The following SGCD variants were observed in gnomAD, a reference collection of about 807,000 sequenced individuals.
SGCD encodes sarcoglycan delta, also known as delta-sarcoglycan.
Under a neutral mutation model 36.6 loss-of-function variants are expected in SGCD, and 18 were observed. The observed-to-expected ratio is 0.49, with a 90% CI of 0.34 to 0.73. The LOEUF (loss-of-function observed/expected upper bound fraction) is 0.73, where lower values mean the gene tolerates loss of function less well. Among genes scored for constraint, SGCD ranks in the 30% least tolerant of loss-of-function variants. The probability of loss-of-function intolerance (pLI) is 0.01; values close to 1 mark genes in which losing one functional copy is unlikely to be tolerated. For missense variants in SGCD, 387 were observed against 346.7 expected (o/e 1.12, Z -0.92); for synonymous variants, 133 against 130.6 (o/e 1.02, Z -0.12).
At chr5:155,737,315 C>A in the SGCD span, among the ~76,000 whole-genome samples, 1 of 152,198 alleles carries the variant, frequency 6.6e-6, no homozygotes, top group African/African-American at 2.4e-5. Context: ...AACACTTACC[C>A]TTACTATGGG....
chr5:156,036,526 G>A (rs997194702), intron 1 of SGCD, among the ~76,000 whole-genome samples: 2 of 152,144 alleles, frequency 1.3e-5, no homozygotes, highest in Admixed American at 6.5e-5. Context: ...GATGAGGGCC[G>A]AGGTTTCTGA....
chr5:156,119,492 A>G (rs567687978), intron 2 of SGCD, among the ~76,000 whole-genome samples: 58 of 152,258 alleles, frequency 3.8e-4, no homozygotes, highest in African/African-American at 1.3e-3. Flanking sequence ...GTGTATACCT[A>G]TATGGTATCT....
intron 7 of SGCD, chr5:156,739,636 T>C (rs1756562741): frequency 6.6e-6 from 1 of 152,208 alleles, no homozygotes; most frequent in African/African-American, 2.4e-5. Context: ...CTTGTCTTTA[T>C]AAACTGTGTG....
At position 156,444,132 on chromosome 5, in the gene SGCD, CTCTCTCCTTCCCTT is replaced by C. The variant is rs1444940444; in HGVS notation, c.193-64462_193-64449del. ...TCTCTCTCTCCCCTTCCCTCTCTCT[CTCTCTCCTTCCCTT>C]TCTCTCTCTCCTTCCCTCTCTCTCT... On this transcript the variant is annotated intron_variant, in intron 3 of 8. Coordinates refer to ENST00000337851, the MANE Select transcript of SGCD (RefSeq NM_000337.6). Among the ~76,000 whole-genome samples the C allele has an allele frequency of 4.3e-4, 54 of 126,746 alleles. 1 individual carries two copies. The highest frequency in any genetic ancestry group is 2.4e-3 in the East Asian group (10 of 4,104). The allele number at this position is 126,746 out of a possible 152,430, so 83.2% of individuals were successfully genotyped here.
At chr5:155,745,544 C>G in the SGCD span, among the ~76,000 whole-genome samples, 1 of 151,658 alleles carries the variant, frequency 6.6e-6, no homozygotes, top group Non-Finnish European at 1.5e-5. Context: ...CTTTACCAAT[C>G]TTTTATTTAA....
intron 1 of SGCD, among the ~76,000 whole-genome samples, chr5:156,025,550 CT>C (rs1436952193): frequency 8.5e-5 from 13 of 152,192 alleles, no homozygotes; most frequent in Admixed American, 5.9e-4. Context: ...GATTCATTTG[CT>C]CATAGCACTT....
intron 3 of SGCD, among the ~76,000 whole-genome samples, chr5:156,146,506 A>G (rs904169087): frequency 1.3e-5 from 2 of 152,200 alleles, no homozygotes; most frequent in African/African-American, 4.8e-5. Flanking sequence ...CAAAATGAGA[A>G]GATTTTTCCT....
the SGCD span, among the ~76,000 whole-genome samples, chr5:155,732,359 G>A: frequency 6.6e-6 from 1 of 152,212 alleles, no homozygotes; most frequent in Non-Finnish European, 1.5e-5. Flanking sequence ...TCCAGGCGTG[G>A]TTGACTTCAA....
At chr5:156,704,021 G>T (rs957589271) in intron 7 of SGCD, 1 of 152,144 alleles carries the variant, frequency 6.6e-6, no homozygotes, top group Non-Finnish European at 1.5e-5. Context: ...CTGAAATCAA[G>T]TGGACTCTTA....
Position 156,725,394 on chromosome 5 carries a change from T to G in SGCD, c.576-32187T>G, listed in dbSNP as rs142088078. On this transcript the variant is annotated intron_variant, in intron 7 of 8. Coordinates refer to ENST00000337851, the MANE Select transcript of SGCD (RefSeq NM_000337.6). ...TATTAAAACCACTTGAGCATCTGAG[T>G]AAAGCTGTGTTAGCCCTGGATGAAC... is the stretch of plus-strand genomic sequence containing the variant. Among the ~76,000 whole-genome samples, 26 of 152,290 alleles carry G rather than the reference T, an allele frequency of 1.7e-4. No homozygotes were observed. In the East Asian group the frequency reaches 4.4e-3, roughly 26 times the overall value.
intron 1 of SGCD, among the ~76,000 whole-genome samples, chr5:155,883,604 A>G (rs1284603583): frequency 2.6e-5 from 4 of 152,082 alleles, no homozygotes; most frequent in African/African-American, 7.2e-5. Flanking sequence ...GGGCCCCAAT[A>G]TAATTATAAT....
At chr5:155,859,223 TTTA>T in the SGCD span, among the ~76,000 whole-genome samples, 1 of 151,524 alleles carries the variant, frequency 6.6e-6, no homozygotes, top group African/African-American at 2.4e-5. Context: ...CTGGCTAATT[TTTA>T]TTATTATTAT....
intron 6 of SGCD, among the ~76,000 whole-genome samples, chr5:156,628,259 G>C (rs939610235): frequency 6.6e-6 from 1 of 152,174 alleles, no homozygotes; most frequent in African/African-American, 2.4e-5. Flanking sequence ...CCTTTCACCA[G>C]ACCCTACCTC....
chr5:156,612,161 G>T (rs1374776204), intron 6 of SGCD, among the ~76,000 whole-genome samples: 1 of 152,104 alleles, frequency 6.6e-6, no homozygotes, highest in Non-Finnish European at 1.5e-5. Flanking sequence ...GTACCCCTAT[G>T]TTGATATTTG....
intron 1 of SGCD, among the ~76,000 whole-genome samples, chr5:155,967,850 A>G (rs935699842): frequency 1.1e-4 from 16 of 152,096 alleles, no homozygotes; most frequent in Admixed American, 3.3e-4. Flanking sequence ...GAGACACCTC[A>G]AGAAGGAAAG....
intron 3 of SGCD, among the ~76,000 whole-genome samples, chr5:156,449,180 GA>G (rs1234295083): frequency 1.4e-4 from 21 of 152,166 alleles, no homozygotes; most frequent in Non-Finnish European, 2.6e-4. Flanking sequence ...TGTTCTTTAA[GA>G]GATCAGTTCT....
At chr5:156,641,565 G>A (rs931424650) in intron 6 of SGCD, among the ~76,000 whole-genome samples, 23 of 152,256 alleles carry the variant, frequency 1.5e-4, no homozygotes, top group African/African-American at 5.3e-4. Context: ...AATATAGTTG[G>A]ATTCAGAGCA....
chr5:155,920,420 G>A (rs1184799571), intron 1 of SGCD, among the ~76,000 whole-genome samples: 5 of 152,108 alleles, frequency 3.3e-5, no homozygotes, highest in African/African-American at 1.2e-4. Flanking sequence ...TTATAGGGGA[G>A]TATGATGTTT....
the SGCD span, among the ~76,000 whole-genome samples, chr5:155,735,825 T>C: frequency 9.2e-5 from 14 of 152,198 alleles, no homozygotes; most frequent in African/African-American, 2.2e-4. Flanking sequence ...ATGGGCTTTT[T>C]GGATTCACAG....
Sources: allele counts gnomAD v4.1 joint callset (sites outside exome capture counted in the v4.1 genomes callset), GRCh38; gene constraint gnomAD v4.1.1; transcripts MANE v1.5; gene names NCBI Gene and HGNC (gene_info 2026-07-23, HGNC 2026-07-21).